Variants in EYS observed in about 807,000 individuals in gnomAD.
The protein encoded by EYS is EGF-like photoreceptor maintenance factor, also known as protein eyes shut homolog.
A neutral mutation model predicts 282.1 loss-of-function variants in EYS; 250 were observed. The observed-to-expected ratio is 0.89, with a 90% CI of 0.80 to 0.98. The LOEUF (loss-of-function observed/expected upper bound fraction) is 0.98. EYS is among the 50% of genes least tolerant of loss of function. EYS has a pLI of 0.00. For synonymous variants in EYS, 1,355 were observed against 1,282.9 expected, an observed-to-expected ratio of 1.06 and a Z score of -1.20; for missense variants, 4,016 against 3,709.0, an observed-to-expected ratio of 1.08 and a Z score of -2.15.
chr6:63,935,224 T>C (rs186940266), intron 35 of EYS, among the ~76,000 whole-genome samples: 137 of 152,374 alleles, frequency 9.0e-4, no homozygotes, highest in East Asian at 8.9e-3. Flanking sequence ...TGTTCACTGC[T>C]GAATTTCCTG....
intron 12 of EYS, among the ~76,000 whole-genome samples, chr6:65,210,113 G>C (rs1766137428): frequency 6.6e-6 from 1 of 151,994 alleles, no homozygotes; most frequent in South Asian, 2.1e-4. Flanking sequence ...AAGGAAAACA[G>C]TGATATATGT....
At chr6:65,106,209 C>T (rs1029105165) in intron 12 of EYS, among the ~76,000 whole-genome samples, 1 of 151,966 alleles carries the variant, frequency 6.6e-6, no homozygotes, top group African/African-American at 2.4e-5. Context: ...GTAGTACGAT[C>T]TCTAGACGTA....
chr6:63,789,068 C>G lies in EYS; in HGVS notation c.7568G>C (p.Gly2523Ala), dbSNP rs1266932220. 1 of 1,551,398 alleles carries G rather than the reference C, an allele frequency of 6.4e-7. No homozygotes were observed. Among genetic ancestry groups the G allele is most frequent in the African/African-American group, 1.4e-5 (1 of 73,144 alleles). The change falls in exon 38 of 43, where the codon GGC becomes GCC. Residue 2523 changes from glycine to alanine, a missense_variant. Coordinates refer to ENST00000503581, the MANE Select transcript of EYS (RefSeq NM_001142800.2). ...TVHLGKFFQE[G>A]WLKVDDHKNK... ...GGAATGACTCTTTACCTTCAGCCAG[C>G]CCTCTTGGAAGAACTTGCCCAGATG... is the stretch of plus-strand genomic sequence containing the variant.
intron 22 of EYS, among the ~76,000 whole-genome samples, chr6:64,781,439 C>T (rs995639501): frequency 2.6e-5 from 4 of 151,728 alleles, no homozygotes; most frequent in African/African-American, 4.8e-5. Context: ...TATGGCCGGG[C>T]GGTGGCTCAC....
At chr6:63,879,275 C>A (rs1357799961) in intron 35 of EYS, among the ~76,000 whole-genome samples, 2 of 152,070 alleles carry the variant, frequency 1.3e-5, no homozygotes, top group African/African-American at 4.8e-5. Flanking sequence ...ATGCTAGTAA[C>A]TATTTTCAGT....
chr6:64,890,608 T>G (rs1767261239), intron 18 of EYS, among the ~76,000 whole-genome samples: 1 of 152,154 alleles, frequency 6.6e-6, no homozygotes, highest in Non-Finnish European at 1.5e-5. Flanking sequence ...TTCAAATGTA[T>G]TTACTCTAAT....
chr6:64,591,117 C>G lies in EYS; in HGVS notation c.4750G>C (p.Glu1584Gln). 6.4e-7 allele frequency: 1 copy of G among 1,551,266 alleles called. No individual in the cohort carries two copies. The highest frequency in any genetic ancestry group is 1.2e-5 in the South Asian group (1 of 84,056). The change falls in exon 26 of 43, where the codon GAG becomes CAG. Residue 1584 changes from glutamate to glutamine, a missense_variant. By Grantham distance (29) the Glu-to-Gln change is conservative. Coordinates refer to ENST00000503581, the MANE Select transcript of EYS (RefSeq NM_001142800.2). ...ATCGCTGAGTTCATCCAGAATGTCTCATAAAAGTGGGACTGTTTGCTATGC... is the reference window on the plus strand; with the variant it reads ...ATCGCTGAGTTCATCCAGAATGTCTGATAAAAGTGGGACTGTTTGCTATGC... Reference protein sequence around the residue: ...VLHSKQSHFYETFWMNSAILA... With the variant: ...VLHSKQSHFYQTFWMNSAILA...
intron 22 of EYS, among the ~76,000 whole-genome samples, chr6:64,766,727 A>G (rs1773364942): frequency 7.4e-6 from 1 of 135,650 alleles, no homozygotes; most frequent in South Asian, 2.4e-4. Flanking sequence ...CTGAGAAACA[A>G]ATACGAGATG....
intron 29 of EYS, among the ~76,000 whole-genome samples, chr6:64,355,793 T>C (rs1201580332): frequency 1.3e-5 from 2 of 151,504 alleles, no homozygotes; most frequent in Admixed American, 6.6e-5. Flanking sequence ...CCTAGCAGAG[T>C]TAACAAATAA....
chr6:64,191,133 T>C (rs1223370044), intron 31 of EYS, among the ~76,000 whole-genome samples: 4 of 152,094 alleles, frequency 2.6e-5, no homozygotes, highest in Non-Finnish European at 5.9e-5. Flanking sequence ...ATATATCTTC[T>C]TCCATTCTTG....
chr6:65,269,633 T>C (rs893920835), intron 12 of EYS, among the ~76,000 whole-genome samples: 3 of 152,150 alleles, frequency 2.0e-5, no homozygotes, highest in Non-Finnish European at 4.4e-5. Context: ...AGGTGGCCTA[T>C]ACACAACAGA....
intron 36 of EYS, among the ~76,000 whole-genome samples, chr6:63,825,653 C>T (rs1026311032): frequency 2.6e-5 from 4 of 152,164 alleles, no homozygotes; most frequent in Admixed American, 6.5e-5. Flanking sequence ...CAATAATCAC[C>T]GCAGTTCAGC....
At chr6:64,431,101 C>A (rs1405986498) in intron 28 of EYS, among the ~76,000 whole-genome samples, 2 of 151,908 alleles carry the variant, frequency 1.3e-5, no homozygotes, top group African/African-American at 2.4e-5. Flanking sequence ...AGGGAGAGAA[C>A]CAACCCATGG....
chr6:64,906,472 T>C (rs1376233544), intron 16 of EYS, among the ~76,000 whole-genome samples: 1 of 152,218 alleles, frequency 6.6e-6, no homozygotes, highest in South Asian at 2.1e-4. Flanking sequence ...TACAAACTAT[T>C]TTGTCAAATG....
intron 15 of EYS, among the ~76,000 whole-genome samples, chr6:64,936,102 T>C (rs111484983): frequency 4.6e-5 from 7 of 151,678 alleles, no homozygotes; most frequent in African/African-American, 1.7e-4. Flanking sequence ...TTATGACCAA[T>C]TGGGACATAT....
At chr6:64,839,190 G>C (rs1346273722) in intron 19 of EYS, among the ~76,000 whole-genome samples, 1 of 151,904 alleles carries the variant, frequency 6.6e-6, no homozygotes, top group East Asian at 1.9e-4. Context: ...TTTTGCTTGA[G>C]CAGTTCACTA....
intron 13 of EYS, among the ~76,000 whole-genome samples, chr6:65,000,725 C>T (rs984891375): frequency 6.6e-6 from 1 of 152,174 alleles, no homozygotes; most frequent in Non-Finnish European, 1.5e-5. Flanking sequence ...TCACAGTGAG[C>T]CTAGATCGTG....
At chr6:64,571,566 A>T (rs573715376) in intron 26 of EYS, among the ~76,000 whole-genome samples, 6 of 152,342 alleles carry the variant, frequency 3.9e-5, no homozygotes, top group African/African-American at 1.4e-4. Flanking sequence ...GAAGAATCAA[A>T]TAGACACAAT....
chr6:65,184,827 C>T (rs1202438373), intron 12 of EYS, among the ~76,000 whole-genome samples: 1 of 151,468 alleles, frequency 6.6e-6, no homozygotes, highest in East Asian at 2.0e-4. Context: ...TTTGACTTAT[C>T]AATAAAATCT....
Sources: gnomAD v4.1 joint callset for allele counts (sites outside exome capture counted in the v4.1 genomes callset) on GRCh38, gnomAD v4.1.1 for gene constraint, MANE v1.5 for transcripts, NCBI Gene and HGNC (gene_info 2026-07-23, HGNC 2026-07-21) for gene names.